Variants in NCOR2 observed in about 807,000 individuals in gnomAD.
NCOR2 encodes CTG repeat protein 26.
NCOR2 carries 81 observed loss-of-function variants against 262.9 expected under a neutral mutation model. The ratio of observed to expected loss-of-function variants is 0.31; its 90% confidence interval spans 0.26 to 0.37. The LOEUF (loss-of-function observed/expected upper bound fraction) is 0.37. NCOR2 is among the 10% of genes least tolerant of loss of function. The pLI is 1.00. For missense variants in NCOR2, 3,385 were observed against 3,621.4 expected, an observed-to-expected ratio of 0.93 and a Z score of 1.68; for synonymous variants, 1,659 against 1,559.3, an observed-to-expected ratio of 1.06 and a Z score of -1.51.
At chr12:124,426,658 A>G (rs377686687) in exon 11 of NCOR2, 2 of 1,604,844 alleles carry the variant, frequency 1.2e-6, no homozygotes, top group East Asian at 2.2e-5. Flanking sequence ...CTCACTCCAC[A>G]TGTTCATGAC....
Position 124,373,290 on chromosome 12 carries a change from TGTGCAGGG to T in NCOR2, c.2219-688_2219-681del, listed in dbSNP as rs1473380299. On this transcript the variant is annotated intron_variant, in intron 19 of 46. Transcript: ENST00000405201. ...AGTGGACAATCATGAGGCCAGTGCG[TGTGCAGGG>T]GCCCGGGCACAGTGGACAATCATGA... Among the ~76,000 whole-genome samples the T allele has an allele frequency of 3.5e-4, 22 of 63,630 alleles. 1 individual carries two copies. The highest frequency in any genetic ancestry group is 1.0e-3 in the African/African-American group (22 of 21,094). The allele number at this position is 63,630 out of a possible 152,430, so 41.7% of individuals were successfully genotyped here. A position where few individuals can be genotyped will look rare whatever the true frequency, so the allele number is the denominator to read the frequency against.
At chr12:124,373,236 G>A (rs966246485) in intron 19 of NCOR2, among the ~76,000 whole-genome samples, 4 of 145,850 alleles carry the variant, frequency 2.7e-5, no homozygotes, top group African/African-American at 1.1e-4. Context: ...GGACAATGAG[G>A]CCAGTGCGTG....
chr12:124,407,267 C>T (rs540330492), intron 13 of NCOR2, among the ~76,000 whole-genome samples: 6 of 152,334 alleles, frequency 3.9e-5, no homozygotes, highest in Admixed American at 1.3e-4. Context: ...CAGATGGAGG[C>T]GCCGGTGACG....
rs1018396607 is a variant in NCOR2, at chr12:124,517,696, G to A, written c.-118+17869C>T. Among the ~76,000 whole-genome samples, 1 of 152,216 alleles carries A rather than the reference G, an allele frequency of 6.6e-6. No homozygotes were observed. Among genetic ancestry groups the A allele is most frequent in the South Asian group, 2.1e-4 (1 of 4,836 alleles). ...AAGGCTCGCCATGCTCCCCCCCAGG[G>A]ACGCCGGATGTGCACCAAGGAGAGG... On this transcript the variant is annotated intron_variant, in intron 1 of 46. Transcript: ENST00000404621. This position sits in a 1 kb window ranked among gnomAD's most constrained non-coding sequence, Gnocchi z 7.6.
chr12:124,362,316 A>G lies in NCOR2; in HGVS notation c.2929-19T>C. 7.5e-7 allele frequency: 1 copy of G among 1,335,948 alleles called. No individual in the cohort carries two copies. Among genetic ancestry groups the G allele is most frequent in the Non-Finnish European group, 9.6e-7 (1 of 1,043,856 alleles). 82.8% of individuals were successfully genotyped at this position (1,335,948 alleles called of 1,614,324 possible). A position where few individuals can be genotyped will look rare whatever the true frequency, so the allele number is the denominator to read the frequency against. On this transcript the variant is annotated intron_variant, in intron 21 of 46. Transcript: ENST00000405201. Reference sequence around the variant, plus strand: ...TGACCTGCTGAGGGAAGCAGGCAGAAGTGAGCATTCACAGAGGGTGTCTGA... The same window carrying G: ...TGACCTGCTGAGGGAAGCAGGCAGAGGTGAGCATTCACAGAGGGTGTCTGA...
chr12:124,442,063 G>A (rs1364052582), intron 7 of NCOR2, among the ~76,000 whole-genome samples: 2 of 152,198 alleles, frequency 1.3e-5, no homozygotes, highest in Non-Finnish European at 2.9e-5. Context: ...GCGGAGAGAC[G>A]GGTGAAAATG....
Position 124,487,693 on chromosome 12 carries a change from G to A in NCOR2, c.106-1125C>T, listed in dbSNP as rs74835923. 4.6e-3 allele frequency among the ~76,000 whole-genome samples: 707 copies of A among 152,322 alleles called. 9 individuals are homozygous for A. The highest frequency in any genetic ancestry group is 0.016 in the African/African-American group (685 of 41,558). On this transcript the variant is annotated intron_variant, in intron 1 of 46. Coordinates refer to ENST00000405201, the Ensembl canonical transcript of NCOR2. ...CTGAGCCTGGTCTCTCTCCCTTATC[G>A]TGACAGTCTTGACGCTGATAGCACA...
chr12:124,479,466 C>CACAG (rs1382003072), intron 3 of NCOR2, among the ~76,000 whole-genome samples: 2 of 100,664 alleles, frequency 2.0e-5, no homozygotes, highest in Admixed American at 2.1e-4. Flanking sequence ...CACACACACA[C>CACAG]ACAAACACGC....
intron 44 of NCOR2, among the ~76,000 whole-genome samples, chr12:124,329,344 C>T (rs973642556): frequency 6.6e-6 from 1 of 151,662 alleles, no homozygotes; most frequent in Non-Finnish European, 1.5e-5. Context: ...TGTCTGTAAT[C>T]CCGCTACTTG....
At chr12:124,529,096 T>C (rs1327225209) in intron 1 of NCOR2, among the ~76,000 whole-genome samples, 1 of 147,796 alleles carries the variant, frequency 6.8e-6, no homozygotes, top group African/African-American at 2.5e-5. Flanking sequence ...GGAGAATTGC[T>C]TGAACCCGGG....
At chr12:124,458,734 G>A (rs1258349258) in intron 5 of NCOR2, among the ~76,000 whole-genome samples, 5 of 152,240 alleles carry the variant, frequency 3.3e-5, no homozygotes, top group Admixed American at 2.0e-4. Context: ...ATGACCTCCA[G>A]GATCCACGGA....
chr12:124,335,435 T>G, intron 39 of NCOR2, 48 bp downstream of exon 41: 1 of 1,574,844 alleles, frequency 6.3e-7, no homozygotes, highest in Non-Finnish European at 8.6e-7. Context: ...GCCTTGAGGG[T>G]CCTCACTGTG....
chr12:124,326,050 C>T (rs951930915), intron 46 of NCOR2, 141 bp downstream of exon 48: 48 of 923,292 alleles, frequency 5.2e-5, no homozygotes, highest in Admixed American at 7.6e-5. Flanking sequence ...GCTGCCCAGG[C>T]CCCTGGACAG....
At chr12:124,564,369 G>A (rs1714782201) in intron 1 of NCOR2, among the ~76,000 whole-genome samples, 2 of 152,170 alleles carry the variant, frequency 1.3e-5, no homozygotes, top group Non-Finnish European at 2.9e-5. Flanking sequence ...CCCTCCCCTG[G>A]GCACCTCAGG....
intron 1 of NCOR2, among the ~76,000 whole-genome samples, chr12:124,502,856 TG>T: frequency 6.6e-6 from 1 of 152,240 alleles, no homozygotes; most frequent in East Asian, 1.9e-4. Flanking sequence ...AAAGGGCCCC[TG>T]TAACCCTGAA....
At chr12:124,477,231 C>T (rs981240567) in intron 3 of NCOR2, among the ~76,000 whole-genome samples, 5 of 152,180 alleles carry the variant, frequency 3.3e-5, no homozygotes, top group African/African-American at 4.8e-5. Context: ...TTTCCCCCGT[C>T]CTGTTCTCAT....
intron 13 of NCOR2, among the ~76,000 whole-genome samples, chr12:124,410,895 T>C (rs2042542309): frequency 6.6e-6 from 1 of 150,782 alleles, no homozygotes; most frequent in South Asian, 2.1e-4. Flanking sequence ...CGCAAAGAGC[T>C]GGGAGAGGAC....
intron 17 of NCOR2, among the ~76,000 whole-genome samples, chr12:124,379,384 G>C (rs1358854054): frequency 1.3e-5 from 2 of 152,216 alleles, no homozygotes; most frequent in African/African-American, 4.8e-5. Flanking sequence ...TCCCCACGCT[G>C]AGCCAGGCAG....
exon 47 of NCOR2, chr12:124,325,385 C>T: frequency 1.1e-5 from 6 of 539,440 alleles, no homozygotes; most frequent in Non-Finnish European, 1.6e-5. Context: ...CCGCCCCCCC[C>T]CCCGCCCTGT....
Sources: gnomAD v4.1 joint callset for allele counts (sites outside exome capture counted in the v4.1 genomes callset) on GRCh38, gnomAD v4.1.1 for gene constraint, Gnocchi (gnomAD v3.1) non-coding constraint, MANE v1.5 for transcripts, NCBI Gene and HGNC (gene_info 2026-07-23, HGNC 2026-07-21) for gene names.